MRPL47: variants seen among roughly 807,000 people sequenced by gnomAD.
MRPL47 encodes large ribosomal subunit protein uL29m.
MRPL47 carries 31 observed loss-of-function variants against 34.0 expected under a neutral mutation model. The observed-to-expected ratio is 0.91, with a 90% CI of 0.68 to 1.23. The LOEUF (loss-of-function observed/expected upper bound fraction) is 1.23. MRPL47 is among the 50% of genes most tolerant of loss of function. The pLI, the probability that MRPL47 is intolerant of heterozygous loss-of-function variation, is 0.00. For missense variants in MRPL47, 328 were observed against 285.8 expected (o/e 1.15, Z -1.07); for synonymous variants, 106 against 101.6 (o/e 1.04, Z -0.26).
At position 179,604,524 on chromosome 3, in the gene MRPL47, T is replaced by C. The variant is rs1719012520; in HGVS notation, c.98+3A>G. 6.2e-7 allele frequency: 1 copy of C among 1,613,150 alleles called. No individual in the cohort carries two copies. Among genetic ancestry groups the C allele is most frequent in the Admixed American group, 1.7e-5 (1 of 59,994 alleles). ...GGGCAAACCTACTTTATACATCACTTACCCTGTGCAGGCAGGGACCTGAGG... is the reference window on the plus strand; with the variant it reads ...GGGCAAACCTACTTTATACATCACTCACCCTGTGCAGGCAGGGACCTGAGG... On this transcript the variant is annotated splice_donor_region_variant and intron_variant, in intron 1 of 6. Transcript: ENST00000476781.
At chr3:179,599,892 G>A (rs1394749432) in intron 3 of MRPL47, among the ~76,000 whole-genome samples, 2 of 152,096 alleles carry the variant, frequency 1.3e-5, no homozygotes, top group African/African-American at 2.4e-5. Context: ...TTCAGAGGCC[G>A]AGGCAGGTGG....
intron 6 of MRPL47, among the ~76,000 whole-genome samples, chr3:179,589,992 A>G (rs2108377268): frequency 6.6e-6 from 1 of 152,356 alleles, no homozygotes; most frequent in South Asian, 2.1e-4. Context: ...TCATTAGAAT[A>G]TGTATAAAAC....
At chr3:179,596,524 T>C (rs565130995) in intron 4 of MRPL47, among the ~76,000 whole-genome samples, 94 of 152,356 alleles carry the variant, frequency 6.2e-4, no homozygotes, top group African/African-American at 2.2e-3. Flanking sequence ...AGTTCACCTC[T>C]GAAATACATA....
In MRPL47 at chr3:179,595,140, G is replaced by C. The variant is rs556975206; in HGVS notation, c.403-1245C>G. On this transcript the variant is annotated intron_variant, in intron 4 of 6. Transcript: ENST00000476781. ...GGCTCACTGCAACCTCTGCCTCCCA[G>C]GCTCAAGCAATCCTCCCACCTCAGC... Among the ~76,000 whole-genome samples, 160 of 152,248 alleles carry C rather than the reference G, an allele frequency of 1.1e-3. 1 individual carries two copies. The highest frequency in any genetic ancestry group is 0.01 in the Middle Eastern group (3 of 294).
At chr3:179,593,567 G>A (rs1718721967) in intron 5 of MRPL47, among the ~76,000 whole-genome samples, 198 bp downstream of exon 5, 2 of 152,144 alleles carry the variant, frequency 1.3e-5, no homozygotes, top group Admixed American at 1.3e-4. Flanking sequence ...TGTCTGGGCT[G>A]GTTTTACCAG....
chr3:179,588,886 A>G lies in MRPL47; in HGVS notation c.739T>C (p.Ser247Pro). The G allele has an allele frequency of 6.2e-7, 1 of 1,613,262 alleles. No homozygotes were observed. Among genetic ancestry groups the G allele is most frequent in the Non-Finnish European group, 8.5e-7 (1 of 1,179,644 alleles). ...GTTCAGACATCTTAGACAAGACTTG[A>G]CTTTTGGGCTTCAGCAAGATGTGGA... ...KFPHLAEAQK[S>P]SLV is the part of the protein sequence containing the mutation. Residue 247 changes from serine (S) to proline (P), a missense_variant, in exon 7 of 7, where the codon TCA becomes CCA. Transcript: ENST00000476781.
chr3:179,595,942 TAA>T (rs1225398145), intron 4 of MRPL47, among the ~76,000 whole-genome samples: 2 of 152,222 alleles, frequency 1.3e-5, no homozygotes, highest in African/African-American at 4.8e-5. Flanking sequence ...CACATGTTTT[TAA>T]AAGAGACAAA....
intron 3 of MRPL47, 58 bp downstream of exon 3, chr3:179,601,672 C>A (rs1368817987): frequency 9.6e-6 from 10 of 1,043,758 alleles, no homozygotes; most frequent in Non-Finnish European, 1.3e-5. Flanking sequence ...GTTTTCACCT[C>A]ATTGTTACAC....
Position 179,602,600 on chromosome 3 carries a change from G to C in MRPL47, c.244+52C>G, listed in dbSNP as rs868269601. On this transcript the variant is annotated intron_variant, in intron 2 of 6. Transcript: ENST00000476781. ...CCTAGAACGATGGTTGGGCGGGGCG[G>C]GGGGGGGGGTTCCATAAATATATCT... The C allele has an allele frequency of 1.4e-3, 794 of 551,238 alleles. 22 individuals are homozygous for C. The African/African-American group carries it at 0.021, about 15-fold the overall frequency. The allele number at this position is 551,238 out of a possible 1,614,324, so 34.1% of individuals were successfully genotyped here. A position where few individuals can be genotyped will look rare whatever the true frequency, so the allele number is the denominator to read the frequency against.
intron 3 of MRPL47, among the ~76,000 whole-genome samples, chr3:179,599,167 C>CA (rs765240584): frequency 0.12 from 13,396 of 116,164 alleles, 649 homozygotes; most frequent in South Asian, 0.21. Flanking sequence ...GATCTTGCTT[C>CA]AAAAAAAAAA....
intron 6 of MRPL47, among the ~76,000 whole-genome samples, chr3:179,592,343 C>T (rs1358242873): frequency 6.6e-6 from 1 of 152,036 alleles, no homozygotes; most frequent in African/African-American, 2.4e-5. Context: ...TACAGGTGCC[C>T]ACCACCATGT....
rs1182763809 is a variant in MRPL47, at chr3:179,604,536, G to A, written c.89C>T (p.Ala30Val). The A allele has an allele frequency of 1.9e-6, 3 of 1,613,912 alleles. No individual in the cohort carries two copies. Among genetic ancestry groups the A allele is most frequent in the East Asian group, 2.2e-5 (1 of 44,874 alleles). ...TTTATACATCACTTACCCTGTGCAG[G>A]CAGGGACCTGAGGAGTTATTAACGA... Reference protein sequence around the residue: ...SRSLITPQVPACTGFFLSLLP... With the variant: ...SRSLITPQVPVCTGFFLSLLP... The change falls in exon 1 of 7, where the codon GCC becomes GTC. Residue 30 changes from alanine to valine, a missense_variant. Ala to Val is a moderately conservative substitution (Grantham distance 64). Transcript: ENST00000476781.
At chr3:179,591,779 G>C (rs1176461899) in intron 6 of MRPL47, among the ~76,000 whole-genome samples, 3 of 152,088 alleles carry the variant, frequency 2.0e-5, no homozygotes, top group African/African-American at 7.2e-5. Context: ...AGAATAGAAA[G>C]GCAATAAAAC....
intron 1 of MRPL47, 84 bp from the exon 2 acceptor site, chr3:179,602,881 T>A (rs948568433): frequency 1.7e-5 from 18 of 1,084,394 alleles, no homozygotes; most frequent in Admixed American, 2.6e-5. Context: ...ATAAACATAA[T>A]CATTTTGTCA....
Position 179,598,729 on chromosome 3 carries a change from C to G in MRPL47, c.348G>C (p.Glu116Asp). 6.2e-7 allele frequency: 1 copy of G among 1,613,094 alleles called. No homozygotes were observed. Among genetic ancestry groups the G allele is most frequent in the Non-Finnish European group, 8.5e-7 (1 of 1,179,206 alleles). The change falls in exon 4 of 7, where the codon GAG becomes GAC. Residue 116 changes from glutamate (E) to aspartate (D), a missense_variant. Physicochemically the swap from Glu to Asp is conservative, Grantham distance 45. Transcript: ENST00000476781. ...LKERNMLLTL[E>D]QEAKRQRLPM... ...GCAATCTCTGCCGCTTGGCCTCCTG[C>G]TCTAGGGTTAGAAGCATGTTTCTTT...
intron 1 of MRPL47, among the ~76,000 whole-genome samples, chr3:179,604,052 T>C (rs1157868503): frequency 6.6e-6 from 1 of 151,346 alleles, no homozygotes; most frequent in Non-Finnish European, 1.5e-5. Context: ...AATGGATACT[T>C]CACTGGATCC....
chr3:179,589,628 T>A lies in MRPL47; in HGVS notation c.630-633A>T, dbSNP rs537740340. Among the ~76,000 whole-genome samples, 5 of 152,270 alleles carry A rather than the reference T, an allele frequency of 3.3e-5. No homozygotes were observed. The East Asian group carries it at 9.6e-4, about 29-fold the overall frequency. On this transcript the variant is annotated intron_variant, in intron 6 of 6. Transcript: ENST00000476781. ...ATTGGTCAATAGAAATAAGTTTATA[T>A]AAAATACAGCAATAAAGATGTACTG...
intron 5 of MRPL47, among the ~76,000 whole-genome samples, chr3:179,593,457 T>A (rs1233496726): frequency 1.3e-5 from 2 of 152,196 alleles, no homozygotes; most frequent in Non-Finnish European, 1.5e-5. Context: ...GAGGAAACGA[T>A]CCCTAACTTT....
chr3:179,592,781 T>C, intron 5 of MRPL47, 42 bp from the exon 6 acceptor site: 1 of 1,260,436 alleles, frequency 7.9e-7, no homozygotes, highest in Non-Finnish European at 1.2e-6. Flanking sequence ...AAGAAAACAT[T>C]TAATACATTT....
Sources: gnomAD v4.1 joint callset for allele counts (sites outside exome capture counted in the v4.1 genomes callset) on GRCh38, gnomAD v4.1.1 for gene constraint, MANE v1.5 for transcripts, NCBI Gene and HGNC (gene_info 2026-07-23, HGNC 2026-07-21) for gene names.